CHRM3: variants seen among roughly 807,000 people sequenced by gnomAD.
CHRM3 encodes cholinergic receptor muscarinic 3.
CHRM3 carries 11 observed loss-of-function variants against 41.8 expected under a neutral mutation model. That is an observed-to-expected ratio of 0.26 (90% CI 0.17 to 0.44). The LOEUF (loss-of-function observed/expected upper bound fraction) is 0.44. Among genes scored for constraint, CHRM3 ranks in the 20% least tolerant of loss-of-function variants. The probability of loss-of-function intolerance (pLI) is 1.00; values close to 1 mark genes in which losing one functional copy is unlikely to be tolerated. For synonymous variants in CHRM3, 297 were observed against 301.4 expected, an observed-to-expected ratio of 0.99 and a Z score of 0.15; for missense variants, 571 against 745.4, an observed-to-expected ratio of 0.77 and a Z score of 2.72.
chr1:239,692,673 A>G (rs77100787), intron 5 of CHRM3, among the ~76,000 whole-genome samples: 125 of 152,324 alleles, frequency 8.2e-4, no homozygotes, highest in African/African-American at 2.8e-3. Flanking sequence ...CCAATAGGAA[A>G]TTCAATGATC....
intron 2 of CHRM3, among the ~76,000 whole-genome samples, chr1:239,512,853 C>T (rs999086323): frequency 6.6e-6 from 1 of 151,564 alleles, no homozygotes; most frequent in Non-Finnish European, 1.5e-5. Flanking sequence ...GTTGAATGAT[C>T]AGAGTGGCCG....
chr1:239,758,736 AT>A (rs1666442743), intron 5 of CHRM3, among the ~76,000 whole-genome samples: 1 of 152,214 alleles, frequency 6.6e-6, no homozygotes, highest in African/African-American at 2.4e-5. Flanking sequence ...TAGTTCTAAG[AT>A]ATTTTTCCCC....
At chr1:239,739,139 C>T (rs1664633567) in intron 5 of CHRM3, among the ~76,000 whole-genome samples, 1 of 152,082 alleles carries the variant, frequency 6.6e-6, no homozygotes, top group South Asian at 2.1e-4. Context: ...AATAGGTGCC[C>T]AGTTGGGCTT....
intron 1 of CHRM3, among the ~76,000 whole-genome samples, chr1:239,409,046 T>C (rs113530432): frequency 7.0e-6 from 1 of 143,766 alleles, no homozygotes; most frequent in South Asian, 2.1e-4. Flanking sequence ...TATTATATTC[T>C]GTCAGATTTT....
At chr1:239,834,090 A>T (rs1673101057) in intron 6 of CHRM3, among the ~76,000 whole-genome samples, 1 of 151,554 alleles carries the variant, frequency 6.6e-6, no homozygotes, top group Non-Finnish European at 1.5e-5. Flanking sequence ...CTTCATGTAT[A>T]AAATTAGTGG....
At position 239,531,592 on chromosome 1, in the gene CHRM3, T is replaced by G. The variant is rs1003857813; in HGVS notation, c.-421-14049T>G. On this transcript the variant is annotated intron_variant, in intron 2 of 6. Coordinates refer to ENST00000676153, the MANE Select transcript of CHRM3 (RefSeq NM_001375978.1). ...TCATAAACTAGGTAAACAAAAATCA[T>G]GTATGCTATGTGCTTTGTCGTATAA... 6.7e-5 allele frequency among the ~76,000 whole-genome samples: 10 copies of G among 148,472 alleles called. No homozygotes were observed. In the Admixed American group the frequency reaches 6.7e-4, roughly 10 times the overall value.
chr1:239,730,710 A>G (rs1311583572), intron 5 of CHRM3, among the ~76,000 whole-genome samples: 4 of 151,882 alleles, frequency 2.6e-5, no homozygotes, highest in Non-Finnish European at 2.9e-5. Flanking sequence ...GAGCAGCACA[A>G]TTTTCACAGG....
intron 1 of CHRM3, among the ~76,000 whole-genome samples, chr1:239,480,585 C>T (rs1666780691): frequency 8.9e-6 from 1 of 112,908 alleles, no homozygotes; most frequent in African/African-American, 3.6e-5. Context: ...GAGACGGAGT[C>T]TAGCTCTGTC....
intron 3 of CHRM3, among the ~76,000 whole-genome samples, chr1:239,601,529 T>C (rs1337098573): frequency 6.6e-6 from 1 of 151,906 alleles, no homozygotes; most frequent in East Asian, 1.9e-4. Flanking sequence ...TAGAGTTTTA[T>C]AGTCTTAAGA....
At chr1:239,724,965 T>G (rs764583979) in intron 5 of CHRM3, among the ~76,000 whole-genome samples, 14 of 151,890 alleles carry the variant, frequency 9.2e-5, no homozygotes, top group Non-Finnish European at 1.6e-4. Context: ...CCCAGTTACT[T>G]ATTGTTATAT....
intron 2 of CHRM3, among the ~76,000 whole-genome samples, chr1:239,541,417 T>C (rs1658762438): frequency 6.6e-6 from 1 of 152,216 alleles, no homozygotes; most frequent in African/African-American, 2.4e-5. Context: ...TGAGGAGATT[T>C]ATTTTATTTT....
At chr1:239,684,376 A>G (rs1313389194) in intron 5 of CHRM3, among the ~76,000 whole-genome samples, 1 of 152,168 alleles carries the variant, frequency 6.6e-6, no homozygotes, top group African/African-American at 2.4e-5. Flanking sequence ...TAATCCCTGA[A>G]AGTTTACAAA....
chr1:239,874,299 A>ATATATATATATCTATATACACAGTG lies in CHRM3; in HGVS notation c.-19-33123_-19-33122insCTATATACACAGTGTATATATATAT, dbSNP rs1676895853. 1.7e-5 allele frequency among the ~76,000 whole-genome samples: 2 copies of ATATATATATATCTATATACACAGTG among 116,700 alleles called. 1 individual carries two copies. Among genetic ancestry groups the ATATATATATATCTATATACACAGTG allele is most frequent in the African/African-American group, 7.8e-5 (2 of 25,698 alleles). The allele number at this position is 116,700 out of a possible 152,430, so 76.6% of individuals were successfully genotyped here. ...CTATATACACAGTATATATATATAT[A>ATATATATATATCTATATACACAGTG]TATATATATATATATATATATATAT... is the stretch of plus-strand genomic sequence containing the variant. On this transcript the variant is annotated intron_variant, in intron 6 of 6. Transcript: ENST00000676153.
rs147964996 is a variant in CHRM3 at position 239,692,084 on chromosome 1, T to A, written c.-147+13796T>A. ...TCCTTCCTCCATATCTAAGAAAGGG[T>A]CTTGCTCTTAGGCATCTTGAGCAAA... On this transcript the variant is annotated intron_variant, in intron 5 of 6. Transcript: ENST00000676153. Among the ~76,000 whole-genome samples the A allele has an allele frequency of 2.8e-4, 42 of 152,256 alleles. 1 individual carries two copies. In the East Asian group the frequency reaches 8.1e-3, roughly 29 times the overall value.
At chr1:239,475,722 G>A (rs1243222378) in intron 1 of CHRM3, among the ~76,000 whole-genome samples, 2 of 152,002 alleles carry the variant, frequency 1.3e-5, no homozygotes, top group Non-Finnish European at 2.9e-5. Flanking sequence ...AGAGGGATAT[G>A]GAAACCTGCA....
At chr1:239,459,223 G>A (rs1665181570) in intron 1 of CHRM3, among the ~76,000 whole-genome samples, 1 of 151,796 alleles carries the variant, frequency 6.6e-6, no homozygotes, top group African/African-American at 2.4e-5. Flanking sequence ...AAATCTAAAT[G>A]AAAAATCAAG....
intron 4 of CHRM3, among the ~76,000 whole-genome samples, chr1:239,664,539 C>A (rs1331607394): frequency 6.6e-6 from 1 of 151,954 alleles, no homozygotes; most frequent in Admixed American, 6.6e-5. Context: ...TTTCTCTTAC[C>A]CCTCATCTTG....
intron 6 of CHRM3, among the ~76,000 whole-genome samples, chr1:239,871,944 T>A (rs1328516821): frequency 6.6e-6 from 1 of 152,218 alleles, no homozygotes; most frequent in African/African-American, 2.4e-5. Flanking sequence ...ACACAGCCTC[T>A]CTACTTCTCA....
chr1:239,533,409 C>T (rs973535969), intron 2 of CHRM3, among the ~76,000 whole-genome samples: 3 of 151,846 alleles, frequency 2.0e-5, no homozygotes, highest in South Asian at 2.1e-4. Flanking sequence ...CTTCACAGGG[C>T]GGCAGGAAGG....
Sources: allele counts gnomAD v4.1 joint callset (sites outside exome capture counted in the v4.1 genomes callset), GRCh38; gene constraint gnomAD v4.1.1; transcripts MANE v1.5; gene names NCBI Gene and HGNC (gene_info 2026-07-23, HGNC 2026-07-21).